Variants in CHSY3 observed in about 807,000 individuals in gnomAD.
The protein encoded by CHSY3 is chondroitin sulfate synthase 3, also known as N-acetylgalactosaminyl-proteoglycan 3-beta-glucuronosyltransferase 3.
Under a neutral mutation model 67.2 loss-of-function variants are expected in CHSY3, and 35 were observed. The ratio of observed to expected loss-of-function variants is 0.52; its 90% confidence interval spans 0.40 to 0.69. The LOEUF (loss-of-function observed/expected upper bound fraction) is 0.69, where lower values mean the gene tolerates loss of function less well. CHSY3 is among the 30% of genes least tolerant of loss of function. The pLI, the probability that CHSY3 is intolerant of heterozygous loss-of-function variation, is 0.00. For synonymous variants in CHSY3, 474 were observed against 434.7 expected (o/e 1.09, Z -1.12); for missense variants, 1,069 against 1,138.5 (o/e 0.94, Z 0.88).
intron 2 of CHSY3, among the ~76,000 whole-genome samples, chr5:130,129,313 A>G (rs1315633662): frequency 6.6e-6 from 1 of 152,102 alleles, no homozygotes; most frequent in African/African-American, 2.4e-5. Flanking sequence ...AAAGATCTCT[A>G]CTCATGATGT....
In CHSY3 at chr5:130,178,470, T is replaced by C. The variant is rs555225988; in HGVS notation, c.1087-5759T>C. On this transcript the variant is annotated intron_variant, in intron 2 of 2. Coordinates refer to ENST00000305031, the MANE Select transcript of CHSY3 (RefSeq NM_175856.5). The stretch of plus-strand genomic sequence containing the variant: ...GGTTTCACCGTGTTAGCCAGGATGG[T>C]CTCCATCTCCTGACCTCGTGATCCG... Among the ~76,000 whole-genome samples the C allele has an allele frequency of 4.9e-4, 74 of 151,634 alleles. 1 individual carries two copies. The highest frequency in any genetic ancestry group is 1.7e-3 in the African/African-American group (72 of 41,328).
intron 2 of CHSY3, chr5:130,141,710 T>C (rs530837207): frequency 1.9e-6 from 1 of 512,968 alleles, no homozygotes; most frequent in Admixed American, 2.1e-5. Context: ...AAGATTAACG[T>C]TGAGGACAAA....
chr5:130,149,903 T>C (rs1267688695), intron 2 of CHSY3, among the ~76,000 whole-genome samples: 1 of 152,208 alleles, frequency 6.6e-6, no homozygotes, highest in East Asian at 1.9e-4. Context: ...ATTAAAATGA[T>C]GTTTATAAGC....
At chr5:130,174,625 A>G (rs1228323811) in intron 2 of CHSY3, among the ~76,000 whole-genome samples, 1 of 152,170 alleles carries the variant, frequency 6.6e-6, no homozygotes, top group Non-Finnish European at 1.5e-5. Flanking sequence ...ACAAATTTCA[A>G]CAACTACAAA....
At chr5:130,180,288 T>C (rs971417247) in intron 2 of CHSY3, among the ~76,000 whole-genome samples, 5 of 152,230 alleles carry the variant, frequency 3.3e-5, no homozygotes, top group African/African-American at 1.2e-4. Flanking sequence ...ATTCCATCTC[T>C]TCATTTTTAA....
At chr5:130,118,319 A>T (rs1326714280) in intron 2 of CHSY3, among the ~76,000 whole-genome samples, 1 of 152,198 alleles carries the variant, frequency 6.6e-6, no homozygotes, top group Non-Finnish European at 1.5e-5. Flanking sequence ...ATAATGTTTT[A>T]AATGCAGATA....
chr5:130,166,448 T>C (rs1334522569), intron 2 of CHSY3, among the ~76,000 whole-genome samples: 1 of 152,154 alleles, frequency 6.6e-6, no homozygotes, highest in East Asian at 1.9e-4. Flanking sequence ...GAAAGAAAGG[T>C]AAGTTATACT....
intron 2 of CHSY3, among the ~76,000 whole-genome samples, chr5:130,152,785 CT>C (rs1580784725): frequency 1.3e-5 from 2 of 152,252 alleles, no homozygotes; most frequent in East Asian, 3.9e-4. Context: ...GTAAAATGGC[CT>C]TCTTTCAGTT....
intron 2 of CHSY3, among the ~76,000 whole-genome samples, chr5:129,968,802 T>G (rs1346252129): frequency 6.6e-6 from 1 of 151,798 alleles, no homozygotes; most frequent in Non-Finnish European, 1.5e-5. Context: ...CTCAAGGCAG[T>G]GTTTCCCAAA....
At chr5:130,062,393 C>T (rs1421995660) in intron 2 of CHSY3, among the ~76,000 whole-genome samples, 1 of 151,884 alleles carries the variant, frequency 6.6e-6, no homozygotes, top group Non-Finnish European at 1.5e-5. Context: ...CTGGGGACTC[C>T]AAAAGTGGAG....
intron 2 of CHSY3, among the ~76,000 whole-genome samples, chr5:129,953,938 A>T (rs528005603): frequency 2.0e-5 from 3 of 151,888 alleles, no homozygotes; most frequent in African/African-American, 7.3e-5. Flanking sequence ...TTGCCTGTTC[A>T]CTCTGATGAT....
intron 2 of CHSY3, among the ~76,000 whole-genome samples, chr5:130,182,070 C>T (rs1770265819): frequency 6.6e-6 from 1 of 151,882 alleles, no homozygotes; most frequent in Non-Finnish European, 1.5e-5. Flanking sequence ...TATGTATGTT[C>T]ATTTTAGTTG....
At chr5:129,959,218 C>T (rs1459159282) in intron 2 of CHSY3, among the ~76,000 whole-genome samples, 1 of 152,008 alleles carries the variant, frequency 6.6e-6, no homozygotes, top group South Asian at 2.1e-4. Context: ...TTTTTAGATA[C>T]TTTTGCCTAG....
chr5:130,073,292 C>CT (rs529927658), intron 2 of CHSY3, among the ~76,000 whole-genome samples: 11,836 of 144,926 alleles, frequency 0.082, 1,503 homozygotes, highest in African/African-American at 0.27. Flanking sequence ...TAAAAATAAA[C>CT]TTTTTTTTTT....
intron 2 of CHSY3, among the ~76,000 whole-genome samples, chr5:130,067,628 T>C (rs1000192361): frequency 6.6e-6 from 1 of 152,098 alleles, no homozygotes; most frequent in African/African-American, 2.4e-5. Context: ...CAGCCACTCC[T>C]AGAGAAGGTC....
At chr5:129,967,548 A>G (rs1298493944) in intron 2 of CHSY3, among the ~76,000 whole-genome samples, 2 of 151,806 alleles carry the variant, frequency 1.3e-5, no homozygotes, top group East Asian at 3.9e-4. Flanking sequence ...AAACCCTCCT[A>G]ATTATCTGTG....
At position 130,184,404 on chromosome 5, in the gene CHSY3, C is replaced by T; in HGVS notation, c.1262C>T (p.Thr421Ile). The T allele has an allele frequency of 6.2e-7, 1 of 1,613,524 alleles. No individual in the cohort carries two copies. Residue 421 changes from threonine to isoleucine, a missense_variant, in exon 3 of 3, where the codon ACC becomes ATC. This residue lies in a region of CHSY3 where 401 missense variants were observed against 395.2 expected (regional missense o/e 1.01). Transcript: ENST00000305031. ...AAAATTTCTGAACTTCGCTACCGCA[C>T]CATCCAGCTCCACAGGGAAAGTGCC... ...SRKISELRYR[T>I]IQLHRESALM...
chr5:129,919,373 T>A (rs1760842883), intron 2 of CHSY3, among the ~76,000 whole-genome samples: 2 of 152,150 alleles, frequency 1.3e-5, no homozygotes, highest in South Asian at 4.1e-4. Flanking sequence ...ACTAATCAGT[T>A]GCACTCAGTG....
At chr5:129,932,376 G>C (rs1224235539) in intron 2 of CHSY3, among the ~76,000 whole-genome samples, 1 of 151,618 alleles carries the variant, frequency 6.6e-6, no homozygotes, top group African/African-American at 2.4e-5. Context: ...GATTGGATGA[G>C]GCCTACATAC....
Sources: allele counts gnomAD v4.1 joint callset (sites outside exome capture counted in the v4.1 genomes callset), GRCh38; gene constraint gnomAD v4.1.1; regional missense constraint gnomAD v4.1.1; transcripts MANE v1.5; gene names NCBI Gene and HGNC (gene_info 2026-07-23, HGNC 2026-07-21).